The following NAA11 variants were observed in gnomAD, a reference collection of about 807,000 sequenced individuals.
NAA11 encodes the protein N-alpha-acetyltransferase 11.
In NAA11, 15 loss-of-function variants were observed where a neutral mutation model predicts 16.1. That is an observed-to-expected ratio of 0.93 (90% CI 0.62 to 1.44). NAA11 has a LOEUF of 1.44. NAA11 is among the 40% of genes most tolerant of loss of function. The pLI, the probability that NAA11 is intolerant of heterozygous loss-of-function variation, is 0.00. For missense variants in NAA11, 298 were observed against 291.3 expected, an observed-to-expected ratio of 1.02 and a Z score of -0.17; for synonymous variants, 122 against 112.4, an observed-to-expected ratio of 1.09 and a Z score of -0.54.
At chr4:79,291,298 C>CA (rs11371473) in intron 2 of NAA11, among the ~76,000 whole-genome samples, 1 of 151,084 alleles carries the variant, frequency 6.6e-6, no homozygotes, top group Non-Finnish European at 1.5e-5. Context: ...CCTGTCTCTA[C>CA]AAAAAAACGA....
intron 2 of NAA11, chr4:79,227,542 T>C (rs1721345900): frequency 6.6e-6 from 1 of 151,904 alleles, no homozygotes; most frequent in South Asian, 2.1e-4. Context: ...AAGACAGTGG[T>C]GTCCCAGAAA....
chr4:79,174,786 A>G, the NAA11 span, among the ~76,000 whole-genome samples: 1 of 152,144 alleles, frequency 6.6e-6, no homozygotes, highest in Non-Finnish European at 1.5e-5. Flanking sequence ...GATAATTTAC[A>G]TAAAGGCAGG....
At chr4:79,250,882 C>T (rs916785933) in intron 2 of NAA11, among the ~76,000 whole-genome samples, 1 of 152,186 alleles carries the variant, frequency 6.6e-6, no homozygotes, top group African/African-American at 2.4e-5. Flanking sequence ...TTCAACATCA[C>T]TAATCATTAG....
chr4:79,294,423 A>C (rs1387418804), intron 1 of NAA11, among the ~76,000 whole-genome samples: 4 of 152,222 alleles, frequency 2.6e-5, no homozygotes, highest in Middle Eastern at 3.2e-3. Flanking sequence ...TTGGGAAAGA[A>C]ATTGAAGTTT....
the NAA11 span, among the ~76,000 whole-genome samples, chr4:79,207,626 G>A: frequency 2.6e-5 from 4 of 152,068 alleles, no homozygotes; most frequent in African/African-American, 9.7e-5. Context: ...AAATTTTGTT[G>A]TGGCAGCCTG....
the NAA11 span, among the ~76,000 whole-genome samples, chr4:79,199,356 G>A: frequency 4.6e-5 from 7 of 151,784 alleles, no homozygotes; most frequent in Admixed American, 6.6e-5. Flanking sequence ...CAAAAATCTC[G>A]GAGGCAGACG....
intron 2 of NAA11, chr4:79,227,593 T>G (rs1721348626): frequency 6.6e-6 from 1 of 152,002 alleles, no homozygotes; most frequent in Non-Finnish European, 1.5e-5. Flanking sequence ...GAGATGATGG[T>G]TTCACTTTGG....
chr4:79,321,821 G>A (rs948198722), intron 1 of NAA11, among the ~76,000 whole-genome samples: 3 of 152,038 alleles, frequency 2.0e-5, no homozygotes, highest in Non-Finnish European at 4.4e-5. Context: ...TACAACAAAA[G>A]TATTTTTAAA....
the NAA11 span, among the ~76,000 whole-genome samples, chr4:79,178,050 A>C: frequency 1.3e-5 from 2 of 152,206 alleles, no homozygotes; most frequent in Admixed American, 1.3e-4. Context: ...AAAACTGAGC[A>C]AAACAAATGA....
At chr4:79,266,651 AAAGAATAAT>A (rs2109977364) in intron 2 of NAA11, among the ~76,000 whole-genome samples, 1 of 152,322 alleles carries the variant, frequency 6.6e-6, no homozygotes, top group South Asian at 2.1e-4. Context: ...TTGCACAAGG[AAAGAATAAT>A]TTTATAAAAC....
chr4:79,304,866 GGT>G (rs1723525812), intron 1 of NAA11, among the ~76,000 whole-genome samples: 2 of 151,980 alleles, frequency 1.3e-5, no homozygotes, highest in Non-Finnish European at 1.5e-5. Flanking sequence ...TACCTGTTTG[GGT>G]GCAAATTAAA....
intron 2 of NAA11, among the ~76,000 whole-genome samples, chr4:79,257,886 T>A (rs973746210): frequency 2.0e-5 from 3 of 152,272 alleles, no homozygotes; most frequent in Non-Finnish European, 4.4e-5. Context: ...TTAATCTTAT[T>A]TGTTAAATAG....
downstream of NAA11, among the ~76,000 whole-genome samples, chr4:79,223,746 T>G (rs1721246437): frequency 6.6e-6 from 1 of 152,012 alleles, no homozygotes; most frequent in Non-Finnish European, 1.5e-5. Context: ...AAAAGTCACT[T>G]GAAATAATTT....
chr4:79,321,737 A>C (rs1452241390), intron 1 of NAA11, among the ~76,000 whole-genome samples: 1 of 152,364 alleles, frequency 6.6e-6, no homozygotes, highest in South Asian at 2.1e-4. Flanking sequence ...CTTAAATATC[A>C]TTTATACTAA....
the NAA11 span, among the ~76,000 whole-genome samples, chr4:79,182,807 T>C: frequency 2.0e-5 from 3 of 152,088 alleles, no homozygotes; most frequent in Non-Finnish European, 4.4e-5. Flanking sequence ...CCCTCAAAAA[T>C]TAGAGTTGAA....
At chr4:79,175,466 A>G in the NAA11 span, among the ~76,000 whole-genome samples, 59 of 152,228 alleles carry the variant, frequency 3.9e-4, no homozygotes, top group Admixed American at 2.8e-3. Context: ...CCTTAACATC[A>G]TAAAAGTTCT....
chr4:79,178,097 T>C, the NAA11 span, among the ~76,000 whole-genome samples: 1 of 152,136 alleles, frequency 6.6e-6, no homozygotes, highest in Non-Finnish European at 1.5e-5. Context: ...TTTAGAAATA[T>C]TTGCACTTAA....
At chr4:79,301,151 A>G (rs1484612264) in intron 1 of NAA11, among the ~76,000 whole-genome samples, 2 of 152,238 alleles carry the variant, frequency 1.3e-5, no homozygotes, top group Non-Finnish European at 2.9e-5. Context: ...GTTCACATGG[A>G]ATAATCTTTA....
At chr4:79,269,189 T>G (rs1722423603) in intron 2 of NAA11, among the ~76,000 whole-genome samples, 1 of 148,762 alleles carries the variant, frequency 6.7e-6, no homozygotes, top group Non-Finnish European at 1.5e-5. Flanking sequence ...TATAGCAGCA[T>G]GATTTATATT....
Sources: gnomAD v4.1 joint callset for allele counts (sites outside exome capture counted in the v4.1 genomes callset) on GRCh38, gnomAD v4.1.1 for gene constraint, MANE v1.5 for transcripts, NCBI Gene and HGNC (gene_info 2026-07-23, HGNC 2026-07-21) for gene names.